GABRB1: variants seen among roughly 807,000 people sequenced by gnomAD.
GABRB1 encodes the protein gamma-aminobutyric acid type A receptor subunit beta1.
In GABRB1, 17 loss-of-function variants were observed where a neutral mutation model predicts 51.6. The observed-to-expected ratio is 0.33, with a 90% CI of 0.23 to 0.49. The LOEUF (loss-of-function observed/expected upper bound fraction) is 0.49, where lower values mean the gene tolerates loss of function less well. Ranked by LOEUF, GABRB1 falls within the 20% of genes least tolerant of loss-of-function variation. The pLI, the probability that GABRB1 is intolerant of heterozygous loss-of-function variation, is 0.99. For missense variants in GABRB1, 410 were observed against 600.6 expected (o/e 0.68, Z 3.32); for synonymous variants, 247 against 218.9 (o/e 1.13, Z -1.14).
At chr4:47,130,375 G>GTGTGTGTGTGTA (rs1284041714) in intron 3 of GABRB1, among the ~76,000 whole-genome samples, 3 of 83,034 alleles carry the variant, frequency 3.6e-5, no homozygotes, top group African/African-American at 1.2e-4. Context: ...GTGTGTGTGT[G>GTGTGTGTGTGTA]TGTGCTTTCT....
At chr4:47,111,259 T>C (rs1474481220) in intron 3 of GABRB1, among the ~76,000 whole-genome samples, 2 of 152,162 alleles carry the variant, frequency 1.3e-5, no homozygotes, top group African/African-American at 2.4e-5. Flanking sequence ...TATCTGGCAT[T>C]ATTAAGCTTC....
At chr4:47,143,409 C>T (rs1453947276) in intron 3 of GABRB1, among the ~76,000 whole-genome samples, 1 of 151,752 alleles carries the variant, frequency 6.6e-6, no homozygotes, top group Admixed American at 6.6e-5. Flanking sequence ...CCCAAAATGT[C>T]AAGTGTTTCT....
intron 5 of GABRB1, among the ~76,000 whole-genome samples, chr4:47,326,665 C>T (rs896287347): frequency 1.2e-4 from 18 of 152,124 alleles, no homozygotes; most frequent in Non-Finnish European, 4.4e-5. Context: ...ATCTACCTTG[C>T]CCCTTCCACC....
At chr4:47,387,745 T>C (rs1436617422) in intron 5 of GABRB1, among the ~76,000 whole-genome samples, 3 of 151,956 alleles carry the variant, frequency 2.0e-5, no homozygotes, top group African/African-American at 2.4e-5. Context: ...AGAAAAATGG[T>C]AGAGGAGGTC....
intron 4 of GABRB1, among the ~76,000 whole-genome samples, chr4:47,241,993 G>A (rs1721542297): frequency 6.6e-6 from 1 of 151,884 alleles, no homozygotes; most frequent in Non-Finnish European, 1.5e-5. Flanking sequence ...CCCGTTAACT[G>A]GTCATTTACA....
chr4:47,248,632 T>A lies in GABRB1; in HGVS notation c.462-71495T>A, dbSNP rs1458733991. On this transcript the variant is annotated intron_variant, in intron 4 of 8. Coordinates refer to ENST00000295454, the MANE Select transcript of GABRB1 (RefSeq NM_000812.4). ...AGAATTCTGCTGTGAATCCATCTGG[T>A]CCTAGACTTTTTTTTTGTTGGCTAT... Among the ~76,000 whole-genome samples, 6 of 152,062 alleles carry A rather than the reference T, an allele frequency of 3.9e-5. No homozygotes were observed. The South Asian group carries it at 6.2e-4, about 16-fold the overall frequency.
chr4:47,081,125 G>A (rs918617175), intron 3 of GABRB1, among the ~76,000 whole-genome samples: 1 of 152,130 alleles, frequency 6.6e-6, no homozygotes, highest in African/African-American at 2.4e-5. Flanking sequence ...TCCTTAAGAT[G>A]ACATAACGAA....
At chr4:47,111,969 CTT>C (rs372238269) in intron 3 of GABRB1, among the ~76,000 whole-genome samples, 12 of 137,760 alleles carry the variant, frequency 8.7e-5, no homozygotes, top group Non-Finnish European at 7.7e-5. Flanking sequence ...AAGTAGTATT[CTT>C]TTTTTTTTTT....
chr4:47,069,964 G>A (rs943669294), intron 3 of GABRB1, among the ~76,000 whole-genome samples: 1 of 151,542 alleles, frequency 6.6e-6, no homozygotes, highest in Non-Finnish European at 1.5e-5. Flanking sequence ...ACCCCTAATG[G>A]TCATTCTCAG....
At chr4:47,176,065 T>C (rs1452660718) in intron 4 of GABRB1, among the ~76,000 whole-genome samples, 1 of 152,146 alleles carries the variant, frequency 6.6e-6, no homozygotes, top group Non-Finnish European at 1.5e-5. Flanking sequence ...TAAATGAACG[T>C]TGAAAATACC....
At chr4:47,181,469 C>A (rs1718944758) in intron 4 of GABRB1, among the ~76,000 whole-genome samples, 1 of 151,908 alleles carries the variant, frequency 6.6e-6, no homozygotes. Flanking sequence ...TTTCAGATGG[C>A]AATAGAGCGA....
chr4:47,367,887 G>C (rs752156968), intron 5 of GABRB1, among the ~76,000 whole-genome samples: 1 of 152,186 alleles, frequency 6.6e-6, no homozygotes, highest in Non-Finnish European at 1.5e-5. Context: ...AGTTGCCCTT[G>C]TCCTTGCAGT....
At chr4:47,064,349 A>G (rs112747835) in intron 3 of GABRB1, among the ~76,000 whole-genome samples, 5 of 152,280 alleles carry the variant, frequency 3.3e-5, no homozygotes, top group African/African-American at 1.2e-4. Context: ...CAAAGAAGTT[A>G]TCAGGCCAGG....
At chr4:47,284,541 A>G (rs551687828) in intron 4 of GABRB1, among the ~76,000 whole-genome samples, 47 of 152,328 alleles carry the variant, frequency 3.1e-4, no homozygotes, top group Middle Eastern at 3.4e-3. Context: ...CAAGAGGAAA[A>G]CTTTTTCTTT....
intron 5 of GABRB1, among the ~76,000 whole-genome samples, chr4:47,384,362 A>G (rs1727705349): frequency 6.6e-6 from 1 of 151,834 alleles, no homozygotes; most frequent in Admixed American, 6.6e-5. Context: ...CTTTATTGAC[A>G]AATCACTATT....
intron 3 of GABRB1, among the ~76,000 whole-genome samples, chr4:47,130,804 G>A (rs1034369703): frequency 1.3e-5 from 2 of 152,120 alleles, no homozygotes; most frequent in Non-Finnish European, 2.9e-5. Context: ...TATATTTCCA[G>A]CTCTCAGTAC....
intron 3 of GABRB1, among the ~76,000 whole-genome samples, chr4:47,150,762 A>G (rs373205251): frequency 1.2e-4 from 18 of 152,136 alleles, no homozygotes; most frequent in African/African-American, 4.1e-4. Flanking sequence ...GTGATAAGCA[A>G]TAAACAGACA....
At chr4:47,316,050 A>G (rs1231349015) in intron 4 of GABRB1, among the ~76,000 whole-genome samples, 1 of 8,634 alleles carries the variant, frequency 1.2e-4, no homozygotes, top group Non-Finnish European at 6.2e-4. Context: ...AAACTTAAAA[A>G]TTATATAATA....
At chr4:47,166,302 T>C (rs868459657) in intron 4 of GABRB1, among the ~76,000 whole-genome samples, 1 of 152,112 alleles carries the variant, frequency 6.6e-6, no homozygotes, top group Middle Eastern at 3.4e-3. Context: ...TGCCTGCCTC[T>C]CCCGCCTCCC....
Sources: gnomAD v4.1 joint callset for allele counts (sites outside exome capture counted in the v4.1 genomes callset) on GRCh38, gnomAD v4.1.1 for gene constraint, MANE v1.5 for transcripts, NCBI Gene and HGNC (gene_info 2026-07-23, HGNC 2026-07-21) for gene names.